The following CPXM2 variants were observed in gnomAD, a reference collection of about 807,000 sequenced individuals.
CPXM2 encodes the protein carboxypeptidase X, M14 family member 2.
A neutral mutation model predicts 86.1 loss-of-function variants in CPXM2; 66 were observed. The ratio of observed to expected loss-of-function variants is 0.77; its 90% CI spans 0.63 to 0.94. The LOEUF (loss-of-function observed/expected upper bound fraction) is 0.94, where lower values mean the gene tolerates loss of function less well. Ranked by LOEUF, CPXM2 falls within the 40% of genes least tolerant of loss-of-function variation. The pLI is 0.00. For missense variants in CPXM2, 948 were observed against 1,026.3 expected (o/e 0.92, Z 1.04); for synonymous variants, 388 against 400.2 (o/e 0.97, Z 0.36).
chr10:123,891,717 TGCGGGCGCAGAA>T lies in CPXM2; in HGVS notation c.-70_-59del. On this transcript the variant is annotated 5_prime_UTR_variant, in exon 1 of 14. Coordinates refer to ENST00000241305, the MANE Select transcript of CPXM2 (RefSeq NM_198148.3). This position sits in a 1 kb window ranked among gnomAD's most constrained non-coding sequence, Gnocchi z 5.6. ...CGGTCACCGGGGGCGCCGGGCGGGC[TGCGGGCGCAGAA>T]GCTGGCGCGGGGCAAGGGCGCAGGG... The T allele has an allele frequency of 7.9e-7, 1 of 1,266,018 alleles. No individual in the cohort carries two copies. The highest frequency in any genetic ancestry group is 1.0e-6 in the Non-Finnish European group (1 of 994,218). 78.4% of individuals were successfully genotyped at this position (1,266,018 alleles called of 1,614,324 possible).
intron 2 of CPXM2, among the ~76,000 whole-genome samples, chr10:123,923,996 C>T (rs1945601410): frequency 6.6e-6 from 1 of 152,154 alleles, no homozygotes; most frequent in African/African-American, 2.4e-5. Flanking sequence ...GACTAATACA[C>T]TAGCTATTAT....
At chr10:123,816,582 A>C (rs1287290700) in intron 4 of CPXM2, among the ~76,000 whole-genome samples, 1 of 152,138 alleles carries the variant, frequency 6.6e-6, no homozygotes, top group Non-Finnish European at 1.5e-5. Flanking sequence ...CCAAGTGGTG[A>C]CTCCAATTGC....
At chr10:123,913,687 G>T (rs1463601334) in intron 2 of CPXM2, 1 of 200,034 alleles carries the variant, frequency 5.0e-6, no homozygotes, top group East Asian at 1.3e-4. Flanking sequence ...TGGGTGTGAG[G>T]AGAGGAAGGA....
chr10:123,769,784 C>T (rs905711147), intron 8 of CPXM2, among the ~76,000 whole-genome samples: 5 of 152,124 alleles, frequency 3.3e-5, no homozygotes, highest in South Asian at 2.1e-4. Context: ...CCCAGCTTCC[C>T]GAACTGTGAG....
intron 9 of CPXM2, 77 bp downstream of exon 9, chr10:123,768,449 C>A (rs1452041441): frequency 1.5e-5 from 17 of 1,136,954 alleles, no homozygotes; most frequent in East Asian, 2.6e-5. Flanking sequence ...TTTTGCATAG[C>A]CCTAGGGCCA....
intron 13 of CPXM2, chr10:123,752,055 A>G (rs1846090633): frequency 1.1e-5 from 11 of 985,306 alleles, no homozygotes; most frequent in Non-Finnish European, 1.3e-5. Context: ...AGCACTAAAT[A>G]GTCAAGGAAT....
At chr10:123,904,116 T>C (rs1398608005) in intron 2 of CPXM2, among the ~76,000 whole-genome samples, 3 of 152,244 alleles carry the variant, frequency 2.0e-5, no homozygotes, top group Non-Finnish European at 4.4e-5. Flanking sequence ...TTCCCAGTTA[T>C]TTATTACATA....
intron 2 of CPXM2, among the ~76,000 whole-genome samples, chr10:123,875,446 G>A (rs1200460582): frequency 5.9e-5 from 9 of 152,186 alleles, no homozygotes. Flanking sequence ...CATGTCTACT[G>A]TGTCGGTAAA....
intron 3 of CPXM2, among the ~76,000 whole-genome samples, chr10:123,852,788 T>C (rs990451398): frequency 6.6e-6 from 1 of 152,130 alleles, no homozygotes; most frequent in Non-Finnish European, 1.5e-5. Flanking sequence ...TCATACCCCC[T>C]TGGCTCCCCA....
chr10:123,871,983 C>G (rs1296280560), intron 2 of CPXM2, among the ~76,000 whole-genome samples: 1 of 152,092 alleles, frequency 6.6e-6, no homozygotes, highest in African/African-American at 2.4e-5. Context: ...CAGGAAAATA[C>G]AAATTAAGAC....
intron 4 of CPXM2, among the ~76,000 whole-genome samples, chr10:123,829,970 T>C (rs1848131029): frequency 6.7e-6 from 1 of 149,698 alleles, no homozygotes; most frequent in African/African-American, 2.5e-5. Flanking sequence ...AAAAAAAGCT[T>C]GATATGTTAC....
intron 13 of CPXM2, chr10:123,751,974 T>G (rs1169568063): frequency 5.1e-6 from 5 of 985,326 alleles, no homozygotes; most frequent in Non-Finnish European, 6.0e-6. Flanking sequence ...CTATCTTGGC[T>G]TATGAGGCCC....
chr10:123,892,582 C>T (rs74162967), upstream of CPXM2, among the ~76,000 whole-genome samples: 1,836 of 152,322 alleles, frequency 0.012, 30 homozygotes, highest in African/African-American at 0.042. Flanking sequence ...TGCATCGTTT[C>T]CCTTGCTGCT....
At chr10:123,866,389 C>T (rs1848980734) in intron 2 of CPXM2, among the ~76,000 whole-genome samples, 2 of 106,086 alleles carry the variant, frequency 1.9e-5, no homozygotes, top group Non-Finnish European at 3.8e-5. Context: ...TATGGTGAAA[C>T]CCCATCTCTA....
chr10:123,867,278 C>T (rs1438903691), intron 2 of CPXM2, among the ~76,000 whole-genome samples: 2 of 152,202 alleles, frequency 1.3e-5, no homozygotes, highest in African/African-American at 4.8e-5. Context: ...TATTGAACAT[C>T]TGACACAGGA....
Position 123,752,111 on chromosome 10 carries a change from T to C in CPXM2, c.2017+2552A>G, listed in dbSNP as rs76861944. On this transcript the variant is annotated intron_variant, in intron 13 of 13. Transcript: ENST00000241305. ...TGTCATTTCAAAGGAGCTTCATTTG[T>C]AATGTTTAAAATACAAATCCTATGC... 1.6e-4 allele frequency: 161 copies of C among 985,366 alleles called. 1 individual carries two copies. The East Asian group carries it at 0.014, about 88-fold the overall frequency. The allele number at this position is 985,366 out of a possible 1,614,324, so 61.0% of individuals were successfully genotyped here.
At chr10:123,939,156 C>T (rs941984311) in intron 2 of CPXM2, among the ~76,000 whole-genome samples, 3 of 152,162 alleles carry the variant, frequency 2.0e-5, no homozygotes, top group Non-Finnish European at 2.9e-5. Flanking sequence ...CCCACAGAGC[C>T]GTAGTATTGG....
chr10:123,765,601 C>G (rs1282590180), intron 10 of CPXM2, among the ~76,000 whole-genome samples: 1 of 152,186 alleles, frequency 6.6e-6, no homozygotes, highest in Non-Finnish European at 1.5e-5. Context: ...ACAACTAAAA[C>G]AGGTTCTGTG....
chr10:123,812,602 G>A (rs1320183072), intron 4 of CPXM2, among the ~76,000 whole-genome samples: 1 of 152,186 alleles, frequency 6.6e-6, no homozygotes, highest in Admixed American at 6.5e-5. Context: ...GTACTGGTCT[G>A]TTGCCTGTTA....
Sources: allele counts gnomAD v4.1 joint callset (sites outside exome capture counted in the v4.1 genomes callset), GRCh38; gene constraint gnomAD v4.1.1; non-coding constraint Gnocchi (gnomAD v3.1); transcripts MANE v1.5; gene names NCBI Gene and HGNC (gene_info 2026-07-23, HGNC 2026-07-21).